STPG2: variants seen among roughly 807,000 people sequenced by gnomAD.
The protein encoded by STPG2 is sperm tail PG-rich repeat containing 2, also known as sperm-tail PG-rich repeat-containing protein 2.
STPG2 carries 56 observed loss-of-function variants against 54.2 expected under a neutral mutation model. The ratio of observed to expected loss-of-function variants is 1.03; its 90% CI spans 0.83 to 1.29. STPG2 has a LOEUF of 1.29. Ranked by LOEUF, STPG2 falls within the 50% of genes most tolerant of loss-of-function variation. The pLI is 0.00. For missense variants in STPG2, 596 were observed against 544.9 expected (o/e 1.09, Z -0.93); for synonymous variants, 200 against 181.8 (o/e 1.10, Z -0.81).
At chr4:97,839,851 G>GA (rs943037779) in intron 9 of STPG2, among the ~76,000 whole-genome samples, 15 of 151,268 alleles carry the variant, frequency 9.9e-5, no homozygotes, top group African/African-American at 2.4e-5. Context: ...AAAAACTTTG[G>GA]AAAAAAGAGT....
In STPG2 at chr4:97,860,085, C is replaced by T. The variant is rs57631294; in HGVS notation, c.1045-19153G>A. 2.0e-3 allele frequency among the ~76,000 whole-genome samples: 309 copies of T among 152,256 alleles called. 3 individuals carry two copies. The highest frequency in any genetic ancestry group is 7.2e-3 in the African/African-American group (301 of 41,570). On this transcript the variant is annotated intron_variant, in intron 8 of 10. Transcript: ENST00000295268. ...TTCTCTATTCTGTTCCATTGGTCTACGTGCCAATTTGTACACCAGTAGCAT... is the reference window on the plus strand; with the variant it reads ...TTCTCTATTCTGTTCCATTGGTCTATGTGCCAATTTGTACACCAGTAGCAT...
intron 10 of STPG2, among the ~76,000 whole-genome samples, chr4:97,617,302 G>C: frequency 6.6e-6 from 1 of 152,012 alleles, no homozygotes; most frequent in African/African-American, 2.4e-5. Context: ...CTAAAAAAAA[G>C]GTACATATTT....
At chr4:98,034,936 CA>C (rs1736723030) in intron 5 of STPG2, among the ~76,000 whole-genome samples, 2 of 152,098 alleles carry the variant, frequency 1.3e-5, no homozygotes, top group African/African-American at 2.4e-5. Flanking sequence ...ACACCTTATA[CA>C]AAAATTAACT....
chr4:97,857,829 A>G (rs1729382664), intron 8 of STPG2, among the ~76,000 whole-genome samples: 1 of 152,080 alleles, frequency 6.6e-6, no homozygotes, highest in Non-Finnish European at 1.5e-5. Context: ...TATCAGATAA[A>G]TTTAACAAAG....
At chr4:97,895,303 G>A (rs981710697) in intron 8 of STPG2, among the ~76,000 whole-genome samples, 35 of 151,786 alleles carry the variant, frequency 2.3e-4, no homozygotes, top group Non-Finnish European at 1.0e-4. Flanking sequence ...TGTCTATAAC[G>A]TAAAGAGTAA....
At chr4:98,071,155 G>A (rs1391461570) in intron 5 of STPG2, among the ~76,000 whole-genome samples, 1 of 152,012 alleles carries the variant, frequency 6.6e-6, no homozygotes, top group African/African-American at 2.4e-5. Context: ...CATGCTACCC[G>A]ACTTCAAACT....
chr4:97,551,687 A>G (rs1731969331), intron 4 of STPG2, among the ~76,000 whole-genome samples: 2 of 152,260 alleles, frequency 1.3e-5, no homozygotes, highest in South Asian at 4.1e-4. Context: ...ATATGACTGT[A>G]GTTATTATTT....
rs1187352812 is a variant in STPG2 at position 98,143,445 on chromosome 4, G to A, written c.-295C>T. On this transcript the variant is annotated 5_prime_UTR_variant, in exon 1 of 11. Transcript: ENST00000295268. ...CACGCCACCAAAATTGGGTATTAGG[G>A]ATTAGACGCTCGCCCCGGTGCTTCC... 6.6e-6 allele frequency among the ~76,000 whole-genome samples: 1 copy of A among 152,148 alleles called. No homozygotes were observed. Among genetic ancestry groups the A allele is most frequent in the Non-Finnish European group, 1.5e-5 (1 of 68,036 alleles).
chr4:97,938,986 C>G (rs1732870095), intron 8 of STPG2, among the ~76,000 whole-genome samples: 1 of 152,106 alleles, frequency 6.6e-6, no homozygotes. Flanking sequence ...TTAGCTGTAT[C>G]TCAGAGTTCT....
intron 8 of STPG2, among the ~76,000 whole-genome samples, chr4:97,915,970 T>C (rs1469931403): frequency 1.3e-5 from 2 of 152,100 alleles, no homozygotes; most frequent in Admixed American, 1.3e-4. Flanking sequence ...AGATGGGGCA[T>C]AATTAGTCAG....
chr4:97,720,259 A>T lies in STPG2; in HGVS notation c.1205-7445T>A, dbSNP rs556050883. 1.9e-4 allele frequency among the ~76,000 whole-genome samples: 29 copies of T among 152,086 alleles called. No homozygotes were observed. The East Asian group carries it at 3.1e-3, about 16-fold the overall frequency. ...AGTCTTCTCTTTTGTAATAGAAATT[A>T]AAAAAACCAGCTCAGAGAAGTTAAA... On this transcript the variant is annotated intron_variant, in intron 9 of 10. Coordinates refer to ENST00000295268, the MANE Select transcript of STPG2 (RefSeq NM_174952.3).
chr4:97,787,925 T>C (rs1301379554), intron 9 of STPG2, among the ~76,000 whole-genome samples: 1 of 151,870 alleles, frequency 6.6e-6, no homozygotes, highest in African/African-American at 2.4e-5. Context: ...CTTATCTTTT[T>C]AATTATATTT....
At chr4:97,734,995 C>G (rs1578517512) in intron 9 of STPG2, among the ~76,000 whole-genome samples, 1 of 151,808 alleles carries the variant, frequency 6.6e-6, no homozygotes, top group Non-Finnish European at 1.5e-5. Flanking sequence ...ATGGCATGAA[C>G]CCAGGAGGCG....
At chr4:97,704,417 C>T (rs1309008579) in intron 10 of STPG2, among the ~76,000 whole-genome samples, 1 of 152,128 alleles carries the variant, frequency 6.6e-6, no homozygotes, top group East Asian at 1.9e-4. Context: ...TGACAGATAT[C>T]CCAAGGCCTA....
intron 4 of STPG2, among the ~76,000 whole-genome samples, chr4:97,456,553 G>C (rs1430018213): frequency 6.6e-6 from 1 of 151,954 alleles, no homozygotes; most frequent in African/African-American, 2.4e-5. Flanking sequence ...ACTGACAAAG[G>C]AATGTTATAC....
At chr4:97,963,876 T>C (rs952181578) in intron 7 of STPG2, among the ~76,000 whole-genome samples, 14 of 152,048 alleles carry the variant, frequency 9.2e-5, no homozygotes, top group Non-Finnish European at 5.9e-5. Flanking sequence ...AGAGTACATG[T>C]AGGTATGTTA....
At chr4:97,970,809 T>C (rs1038219986) in intron 7 of STPG2, among the ~76,000 whole-genome samples, 2 of 152,134 alleles carry the variant, frequency 1.3e-5, no homozygotes, top group Non-Finnish European at 2.9e-5. Context: ...AATTGACAAA[T>C]GGGATCTAAT....
chr4:97,518,545 T>C (rs547338841), intron 4 of STPG2, among the ~76,000 whole-genome samples: 1 of 152,204 alleles, frequency 6.6e-6, no homozygotes, highest in African/African-American at 2.4e-5. Flanking sequence ...AAAATCAAAT[T>C]GCCTTCAAAA....
chr4:97,625,954 A>T (rs1734127483), intron 10 of STPG2, among the ~76,000 whole-genome samples: 1 of 152,218 alleles, frequency 6.6e-6, no homozygotes, highest in Non-Finnish European at 1.5e-5. Context: ...ATACTTGGAA[A>T]GTGACTTATC....
Sources: gnomAD v4.1 joint callset for allele counts (sites outside exome capture counted in the v4.1 genomes callset) on GRCh38, gnomAD v4.1.1 for gene constraint, MANE v1.5 for transcripts, NCBI Gene and HGNC (gene_info 2026-07-23, HGNC 2026-07-21) for gene names.